Variants in LOC112694756 observed in about 807,000 individuals in gnomAD.
chr16:30,068,062 A>ATTTTTT, the LOC112694756 span: 2 of 176,504 alleles, frequency 1.1e-5, no homozygotes, highest in Non-Finnish European at 2.3e-5. Flanking sequence ...TTTTAAGTAA[A>ATTTTTT]TTTTTTTTTT....
the LOC112694756 span, chr16:30,067,023 G>C: frequency 1.3e-6 from 2 of 1,575,940 alleles, no homozygotes; most frequent in East Asian, 4.7e-5. Context: ...CCCAGCACCA[G>C]ACAGAGTTAG....
the LOC112694756 span, among the ~76,000 whole-genome samples, chr16:30,063,317 A>ATT: frequency 6.6e-6 from 1 of 152,038 alleles, no homozygotes; most frequent in Non-Finnish European, 1.5e-5. Flanking sequence ...CCCACAAGTC[A>ATT]TTTTCATGAT....
chr16:30,068,356 G>A, the LOC112694756 span: 1 of 418,472 alleles, frequency 2.4e-6, no homozygotes, highest in South Asian at 2.0e-5. Context: ...GAGCCACCAT[G>A]CCCGGCTTAA....
the LOC112694756 span, chr16:30,066,829 C>G: frequency 6.6e-7 from 1 of 1,515,438 alleles, no homozygotes. Flanking sequence ...GTTGGGCCCT[C>G]TGCTTGATTC....
At chr16:30,063,553 TCA>T in the LOC112694756 span, among the ~76,000 whole-genome samples, 1 of 152,138 alleles carries the variant, frequency 6.6e-6, no homozygotes, top group Non-Finnish European at 1.5e-5. Context: ...GAACAAGGAC[TCA>T]CTGCTGATTT....
chr16:30,059,831 G>C, the LOC112694756 span, among the ~76,000 whole-genome samples: 27 of 151,880 alleles, frequency 1.8e-4, no homozygotes, highest in East Asian at 5.3e-3. Flanking sequence ...CCAAAGTGCT[G>C]CGATTACATA....
chr16:30,064,184 G>C, the LOC112694756 span: 1 of 398,096 alleles, frequency 2.5e-6, no homozygotes, highest in Non-Finnish European at 4.4e-6. Flanking sequence ...TCTGGCCCTT[G>C]AGTACCGGGT....
At chr16:30,058,919 G>T in the LOC112694756 span, 1 of 398,458 alleles carries the variant, frequency 2.5e-6, no homozygotes, top group South Asian at 1.3e-4. Flanking sequence ...AAACAAGATG[G>T]AGAAGGTCCC....
chr16:30,062,530 C>CA, the LOC112694756 span, among the ~76,000 whole-genome samples: 285 of 58,394 alleles, frequency 4.9e-3, no homozygotes, highest in South Asian at 0.011. Context: ...GACTCCGTCT[C>CA]AAAAAAAAAA....
the LOC112694756 span, among the ~76,000 whole-genome samples, chr16:30,057,007 T>G: frequency 6.7e-6 from 1 of 149,004 alleles, no homozygotes; most frequent in African/African-American, 2.5e-5. Flanking sequence ...GCCTACTGGG[T>G]TCAAGCTATT....
chr16:30,064,949 A>T, the LOC112694756 span: 1 of 155,412 alleles, frequency 6.4e-6, no homozygotes, highest in African/African-American at 2.4e-5. Context: ...TTGGAGAAGG[A>T]AGTCAGGCTC....
chr16:30,069,567 C>T, the LOC112694756 span: 4 of 1,614,006 alleles, frequency 2.5e-6, no homozygotes, highest in African/African-American at 5.3e-5. Context: ...TGCTGAAGCC[C>T]AACATGGTCA....
the LOC112694756 span, chr16:30,067,296 G>A: frequency 6.2e-7 from 1 of 1,612,908 alleles, no homozygotes; most frequent in Non-Finnish European, 8.5e-7. Flanking sequence ...AGCAGAAGAA[G>A]GAGCTGTCTG....
the LOC112694756 span, among the ~76,000 whole-genome samples, chr16:30,061,427 A>G: frequency 6.6e-6 from 1 of 152,026 alleles, no homozygotes; most frequent in South Asian, 2.1e-4. Flanking sequence ...GCCCTGGCAG[A>G]CCCAGAGAGA....
At chr16:30,066,502 A>T in the LOC112694756 span, among the ~76,000 whole-genome samples, 3 of 152,352 alleles carry the variant, frequency 2.0e-5, no homozygotes, top group East Asian at 5.8e-4. Context: ...AACAGTGACG[A>T]TGGCAAAGCT....
chr16:30,060,621 C>T, the LOC112694756 span, among the ~76,000 whole-genome samples: 2 of 152,110 alleles, frequency 1.3e-5, no homozygotes, highest in Non-Finnish European at 2.9e-5. Flanking sequence ...CCAAGAAATG[C>T]TTTTAATACC....
At chr16:30,063,231 C>T in the LOC112694756 span, among the ~76,000 whole-genome samples, 8 of 152,074 alleles carry the variant, frequency 5.3e-5, no homozygotes, top group Middle Eastern at 3.4e-3. Context: ...GCGGTCTGTT[C>T]GTTGCACAGA....
chr16:30,066,923 C>T, the LOC112694756 span: 1 of 1,550,780 alleles, frequency 6.4e-7, no homozygotes, highest in East Asian at 2.4e-5. Context: ...CCAGAAGGGT[C>T]CAGCTTCAAC....
the LOC112694756 span, chr16:30,063,988 C>T: frequency 2.5e-6 from 1 of 398,740 alleles, no homozygotes; most frequent in African/African-American, 2.1e-5. Context: ...CAGCGCAGGG[C>T]CTGGCTCCCT....
Sources: gnomAD v4.1 joint callset for allele counts (sites outside exome capture counted in the v4.1 genomes callset) on GRCh38, gnomAD v4.1.1 for gene constraint, MANE v1.5 for transcripts.